The following TENM4 variants were observed in gnomAD, a reference collection of about 807,000 sequenced individuals.
TENM4 encodes teneurin-4.
A neutral mutation model predicts 243.3 loss-of-function variants in TENM4; 82 were observed. The observed-to-expected ratio is 0.34, with a 90% CI of 0.28 to 0.40. The LOEUF (loss-of-function observed/expected upper bound fraction) is 0.40, where lower values mean the gene tolerates loss of function less well. Among genes scored for constraint, TENM4 ranks in the 10% least tolerant of loss-of-function variants. The pLI is 1.00. For synonymous variants in TENM4, 1,412 were observed against 1,456.3 expected (o/e 0.97, Z 0.69); for missense variants, 3,138 against 3,673.3 (o/e 0.85, Z 3.77).
At chr11:79,329,816 T>C (rs1366440662) in intron 1 of TENM4, among the ~76,000 whole-genome samples, 1 of 152,174 alleles carries the variant, frequency 6.6e-6, no homozygotes, top group East Asian at 1.9e-4. Flanking sequence ...GCAAGGAGTT[T>C]GGTTCTCATT....
chr11:78,817,918 A>G (rs976767715), intron 12 of TENM4, among the ~76,000 whole-genome samples: 2 of 151,930 alleles, frequency 1.3e-5, no homozygotes, highest in South Asian at 4.2e-4. Context: ...TTCAAATGCC[A>G]CCTCCTTGGA....
intron 23 of TENM4, among the ~76,000 whole-genome samples, chr11:78,723,424 G>A (rs1044676342): frequency 1.3e-5 from 2 of 152,248 alleles, no homozygotes; most frequent in South Asian, 4.1e-4. Flanking sequence ...CGCAGAGCTT[G>A]ACACAGAGTA....
At chr11:79,407,102 AT>A (rs1279381574) in intron 1 of TENM4, among the ~76,000 whole-genome samples, 1 of 152,140 alleles carries the variant, frequency 6.6e-6, no homozygotes, top group Non-Finnish European at 1.5e-5. Context: ...CATTCACTCA[AT>A]TCATTGCTCC....
chr11:79,289,829 G>A (rs1320693663), intron 2 of TENM4, among the ~76,000 whole-genome samples: 1 of 152,192 alleles, frequency 6.6e-6, no homozygotes, highest in Non-Finnish European at 1.5e-5. Flanking sequence ...GTTAACCAAG[G>A]GGAATAATTT....
chr11:78,868,203 T>C (rs992207086), intron 9 of TENM4, among the ~76,000 whole-genome samples: 3 of 152,096 alleles, frequency 2.0e-5, no homozygotes, highest in Non-Finnish European at 2.9e-5. Context: ...GAACGGTAAC[T>C]ACTCATCATC....
At chr11:78,935,259 C>T (rs1169640774) in intron 6 of TENM4, among the ~76,000 whole-genome samples, 2 of 151,912 alleles carry the variant, frequency 1.3e-5, no homozygotes, top group Non-Finnish European at 2.9e-5. Flanking sequence ...GATCCACCCG[C>T]CTCGGCCTCC....
chr11:79,119,776 C>G (rs865843589), intron 4 of TENM4, among the ~76,000 whole-genome samples: 5 of 152,208 alleles, frequency 3.3e-5, no homozygotes, highest in Admixed American at 6.5e-5. Flanking sequence ...CGCCCCTCTA[C>G]TCTCTCCCAT....
At chr11:78,666,846 A>G (rs1386593263) in intron 32 of TENM4, among the ~76,000 whole-genome samples, 1 of 152,172 alleles carries the variant, frequency 6.6e-6, no homozygotes, top group Non-Finnish European at 1.5e-5. Context: ...CAGATAGCAT[A>G]GAGAGTTAGT....
intron 28 of TENM4, among the ~76,000 whole-genome samples, chr11:78,693,060 A>T (rs995510463): frequency 6.6e-6 from 1 of 152,212 alleles, no homozygotes; most frequent in African/African-American, 2.4e-5. Flanking sequence ...TGCCCAGAGG[A>T]GTACCCAGCA....
chr11:78,850,488 C>A (rs1252241736), intron 12 of TENM4, among the ~76,000 whole-genome samples: 1 of 152,184 alleles, frequency 6.6e-6, no homozygotes, highest in Non-Finnish European at 1.5e-5. Flanking sequence ...TTTTAATTAA[C>A]CTGCCAAGAC....
At chr11:79,046,834 G>A (rs927436922) in intron 6 of TENM4, among the ~76,000 whole-genome samples, 1 of 152,086 alleles carries the variant, frequency 6.6e-6, no homozygotes, top group Non-Finnish European at 1.5e-5. Flanking sequence ...GAGGCACTTG[G>A]TTTGTGGTAC....
intron 6 of TENM4, among the ~76,000 whole-genome samples, chr11:78,938,349 C>G (rs937202316): frequency 6.6e-6 from 1 of 152,184 alleles, no homozygotes; most frequent in Admixed American, 6.5e-5. Context: ...CACCCAGCAT[C>G]TCTCAGTGAT....
intron 6 of TENM4, among the ~76,000 whole-genome samples, chr11:78,905,724 G>T (rs529811408): frequency 1.3e-5 from 2 of 152,352 alleles, no homozygotes; most frequent in South Asian, 4.1e-4. Flanking sequence ...TGTAGTGCTG[G>T]ACCAGAAGGG....
intron 1 of TENM4, among the ~76,000 whole-genome samples, chr11:79,345,687 G>A (rs1857314137): frequency 1.3e-5 from 2 of 152,172 alleles, no homozygotes; most frequent in African/African-American, 2.4e-5. Context: ...TTCCTTATCT[G>A]TAAACAGACA....
Position 78,657,767 on chromosome 11 carries a change from C to T in TENM4, c.*291G>A, listed in dbSNP as rs1282752816. On this transcript the variant is annotated 3_prime_UTR_variant, in exon 34 of 34. Transcript: ENST00000278550. ...TGCATCTCAGAGAGGAGATACATAC[C>T]CCAAACGACAAGGGAAAAATCCTCA... is the stretch of plus-strand genomic sequence containing the variant. 5.9e-6 allele frequency: 3 copies of T among 506,158 alleles called. No individual in the cohort carries two copies. Among genetic ancestry groups the T allele is most frequent in the African/African-American group, 3.9e-5 (2 of 51,646 alleles). The allele number at this position is 506,158 out of a possible 1,614,324, so 31.4% of individuals were successfully genotyped here. A position where few individuals can be genotyped will look rare whatever the true frequency, so the allele number is the denominator to read the frequency against.
intron 31 of TENM4, 38 bp from the exon 32 acceptor site, chr11:78,670,589 G>C (rs1282827995): frequency 6.4e-7 from 1 of 1,560,620 alleles, no homozygotes. Context: ...AGAGGAGGGT[G>C]GTGAGGAGAA....
At chr11:79,215,371 T>G (rs2135225381) in intron 3 of TENM4, among the ~76,000 whole-genome samples, 1 of 152,316 alleles carries the variant, frequency 6.6e-6, no homozygotes, top group Admixed American at 6.5e-5. Flanking sequence ...TTCCCCACTG[T>G]GCCTCTGATC....
At chr11:78,708,219 T>TGGTGCTCATCACAGCCTGGCACCAAGTA in intron 27 of TENM4, 142 bp downstream of exon 27, 1 of 1,095,826 alleles carries the variant, frequency 9.1e-7, no homozygotes, top group Admixed American at 2.6e-5. Flanking sequence ...TTTGTGTCCT[T>TGGTGCTCATCACAGCCTGGCACCAAGTA]GGTGCTCATC....
chr11:79,356,412 G>A (rs944282176), intron 1 of TENM4, among the ~76,000 whole-genome samples: 1 of 152,220 alleles, frequency 6.6e-6, no homozygotes, highest in Non-Finnish European at 1.5e-5. Context: ...TTGTCCCAGT[G>A]CCTGGTGTAG....
Sources: allele counts gnomAD v4.1 joint callset (sites outside exome capture counted in the v4.1 genomes callset), GRCh38; gene constraint gnomAD v4.1.1; transcripts MANE v1.5; gene names NCBI Gene and HGNC (gene_info 2026-07-23, HGNC 2026-07-21).